Variants in PTCH1 observed in about 807,000 individuals in gnomAD.
PTCH1 encodes patched 1.
A neutral mutation model predicts 144.6 loss-of-function variants in PTCH1; 14 were observed. The observed-to-expected ratio is 0.10, with a 90% CI of 0.06 to 0.15. The LOEUF (loss-of-function observed/expected upper bound fraction) is 0.15, where lower values mean the gene tolerates loss of function less well. PTCH1 is among the 10% of genes least tolerant of loss of function. PTCH1 has a pLI of 1.00. For synonymous variants in PTCH1, 833 were observed against 793.6 expected (o/e 1.05, Z -0.83); for missense variants, 1,623 against 1,948.3 (o/e 0.83, Z 3.14).
intron 3 of PTCH1, among the ~76,000 whole-genome samples, chr9:95,485,162 C>T (rs1036896107): frequency 3.2e-4 from 49 of 152,076 alleles, no homozygotes; most frequent in African/African-American, 1.2e-3. Flanking sequence ...GCCGAGATTA[C>T]ATCACTGCAC....
intron 12 of PTCH1, among the ~76,000 whole-genome samples, chr9:95,472,032 C>T (rs529248741): frequency 5.9e-5 from 9 of 152,176 alleles, no homozygotes; most frequent in East Asian, 1.9e-4. Context: ...AGTGAGACTC[C>T]GTCTCAAAAA....
intron 20 of PTCH1, chr9:95,451,771 G>C (rs1838479567): frequency 6.6e-6 from 1 of 152,224 alleles, no homozygotes; most frequent in African/African-American, 2.4e-5. Flanking sequence ...ACTTGACATT[G>C]AGCTTTTATA....
In PTCH1 at chr9:95,476,700, C is replaced by G; in HGVS notation, c.1602+59G>C. 1 of 1,498,516 alleles carries G rather than the reference C, an allele frequency of 6.7e-7. No homozygotes were observed. The highest frequency in any genetic ancestry group is 1.4e-5 in the African/African-American group (1 of 71,990). The allele number at this position is 1,498,516 out of a possible 1,614,324, so 92.8% of individuals were successfully genotyped here. ...ACTGAGGAAAATTAAAGGACAAATA[C>G]TTAGGAACAGAGGAAGCTGTGATGT... On this transcript the variant is annotated intron_variant, in intron 11 of 23. Transcript: ENST00000331920. The surrounding 1 kb of genome is among the most constrained non-coding windows in gnomAD (Gnocchi z 4.6).
chr9:95,506,800 G>A, intron 1 of PTCH1: 9 of 1,102,926 alleles, frequency 8.2e-6, no homozygotes, highest in Non-Finnish European at 1.0e-5. Flanking sequence ...GGGCCGCAGC[G>A]TGGGAGCTGC....
At chr9:95,448,088 T>C (rs942069185) in intron 22 of PTCH1, among the ~76,000 whole-genome samples, 1 of 152,178 alleles carries the variant, frequency 6.6e-6, no homozygotes, top group Non-Finnish European at 1.5e-5. Flanking sequence ...ATCTGGTCTC[T>C]GCGTCTCTAT....
chr9:95,512,029 G>A (rs1844183152), upstream of PTCH1, among the ~76,000 whole-genome samples: 1 of 152,184 alleles, frequency 6.6e-6, no homozygotes, highest in African/African-American at 2.4e-5. Context: ...AGTATAGCTT[G>A]TTTGGAAGAA....
chr9:95,462,872 A>T (rs1457138563), intron 15 of PTCH1, among the ~76,000 whole-genome samples: 2 of 152,170 alleles, frequency 1.3e-5, no homozygotes, highest in Non-Finnish European at 2.9e-5. Flanking sequence ...ATCATTACAG[A>T]CCTGACGGTT....
At chr9:95,513,272 A>G (rs576423634), upstream of PTCH1, among the ~76,000 whole-genome samples, 2 of 152,340 alleles carry the variant, frequency 1.3e-5, no homozygotes, top group Non-Finnish European at 2.9e-5. Context: ...TTTAAAATCC[A>G]ATGTAATTTG....
At chr9:95,511,903 G>A (rs1224241669), upstream of PTCH1, among the ~76,000 whole-genome samples, 2 of 152,154 alleles carry the variant, frequency 1.3e-5, no homozygotes, top group Non-Finnish European at 2.9e-5. Context: ...CTTGCTGGAG[G>A]GCAAGGAACC....
Position 95,446,865 on chromosome 9 carries a change from T to C in PTCH1, c.*1+46A>G, listed in dbSNP as rs763774307. The C allele has an allele frequency of 3.7e-6, 6 of 1,611,682 alleles. No homozygotes were observed. In the South Asian group the frequency reaches 5.5e-5, roughly 15 times the overall value. ...CCCCAGGAGAACCTTGTCCTCCTCT[T>C]TGCCTGGCTCTAGGTCCCTTGGCTG... is the stretch of plus-strand genomic sequence containing the variant. On this transcript the variant is annotated intron_variant, in intron 23 of 23. Coordinates refer to ENST00000331920, the MANE Select transcript of PTCH1 (RefSeq NM_000264.5).
intron 22 of PTCH1, 79 bp from the exon 23 acceptor site, chr9:95,447,530 T>C (rs2136585877): frequency 7.0e-7 from 1 of 1,422,614 alleles, no homozygotes; most frequent in East Asian, 2.3e-5. Context: ...CTTCCCTCCT[T>C]GGGTTTCACC....
intron 8 of PTCH1, among the ~76,000 whole-genome samples, 194 bp from the exon 9 acceptor site, chr9:95,478,380 G>C (rs533682615): frequency 1.3e-5 from 2 of 152,290 alleles, no homozygotes; most frequent in East Asian, 3.9e-4. Context: ...TTTAGGACAA[G>C]GGCCATGGCT....
intron 10 of PTCH1, among the ~76,000 whole-genome samples, chr9:95,477,145 A>G (rs1841109221): frequency 6.6e-6 from 1 of 152,232 alleles, no homozygotes; most frequent in African/African-American, 2.4e-5. Flanking sequence ...CCCATGGACC[A>G]GCATCACTGG....
At chr9:95,466,051 AT>A (rs1402749167) in intron 15 of PTCH1, among the ~76,000 whole-genome samples, 6 of 152,232 alleles carry the variant, frequency 3.9e-5, no homozygotes, top group Non-Finnish European at 8.8e-5. Flanking sequence ...ACTGTTATTT[AT>A]TTATTATTTT....
At chr9:95,493,113 C>T (rs1842541323) in intron 2 of PTCH1, among the ~76,000 whole-genome samples, 1 of 152,224 alleles carries the variant, frequency 6.6e-6, no homozygotes, top group South Asian at 2.1e-4. Context: ...GAAAGGCTAG[C>T]TAGCTCAGGT....
intron 5 of PTCH1, among the ~76,000 whole-genome samples, 192 bp from the exon 6 acceptor site, chr9:95,480,780 T>A (rs1011193869): frequency 3.3e-5 from 5 of 152,196 alleles, no homozygotes; most frequent in African/African-American, 9.6e-5. Flanking sequence ...AAATAATTCA[T>A]GACTGAAGAT....
chr9:95,469,178 A>T (rs777301513), intron 13 of PTCH1, 25 bp from the exon 14 acceptor site: 5 of 1,613,746 alleles, frequency 3.1e-6, no homozygotes, highest in Middle Eastern at 1.6e-4. Flanking sequence ...AACATGTTGC[A>T]ATGTTATGCT....
chr9:95,458,999 C>A lies in PTCH1; in HGVS notation c.2887+601G>T, dbSNP rs973501804. ...TTGCAAGGGGACCCGTCTTCTTTCT[C>A]ACATCCTCCCTTGGCCCGGTATCCA... On this transcript the variant is annotated intron_variant, in intron 17 of 23. Coordinates refer to ENST00000331920, the MANE Select transcript of PTCH1 (RefSeq NM_000264.5). This position sits in a 1 kb window ranked among gnomAD's most constrained non-coding sequence, Gnocchi z 4.7. Among the ~76,000 whole-genome samples, 1 of 152,214 alleles carries A rather than the reference C, an allele frequency of 6.6e-6. No homozygotes were observed. Among genetic ancestry groups the A allele is most frequent in the Non-Finnish European group, 1.5e-5 (1 of 68,044 alleles).
chr9:95,494,381 C>T, intron 2 of PTCH1: 1 of 985,564 alleles, frequency 1.0e-6, no homozygotes. Context: ...GACGCTGCAT[C>T]TGCCAGGAGG....
Sources: allele counts gnomAD v4.1 joint callset (sites outside exome capture counted in the v4.1 genomes callset), GRCh38; gene constraint gnomAD v4.1.1; non-coding constraint Gnocchi (gnomAD v3.1); transcripts MANE v1.5; gene names NCBI Gene and HGNC (gene_info 2026-07-23, HGNC 2026-07-21).